The following GAN variants were observed in gnomAD, a reference collection of about 807,000 sequenced individuals.
The protein encoded by GAN is epididymis secretory sperm binding protein.
Under a neutral mutation model 71.3 loss-of-function variants are expected in GAN, and 48 were observed. The ratio of observed to expected loss-of-function variants is 0.67; its 90% CI spans 0.53 to 0.86. The LOEUF is 0.86. Among genes scored for constraint, GAN ranks in the 40% least tolerant of loss-of-function variants. The probability of loss-of-function intolerance (pLI) is 0.00; values close to 1 mark genes in which losing one functional copy is unlikely to be tolerated. For missense variants in GAN, 928 were observed against 770.1 expected, an observed-to-expected ratio of 1.21 and a Z score of -2.43; for synonymous variants, 386 against 276.8, an observed-to-expected ratio of 1.39 and a Z score of -3.92.
chr16:81,355,015 G>A (rs895971316), intron 3 of GAN, among the ~76,000 whole-genome samples: 2 of 152,180 alleles, frequency 1.3e-5, no homozygotes, highest in African/African-American at 4.8e-5. Flanking sequence ...TTTTTAATGG[G>A]AAAATGCATT....
rs550514419 is a variant in GAN at position 81,315,830 on chromosome 16, G to C, written c.167+550G>C. 4.6e-5 allele frequency among the ~76,000 whole-genome samples: 7 copies of C among 152,390 alleles called. No homozygotes were observed. The South Asian group carries it at 1.4e-3, about 32-fold the overall frequency. On this transcript the variant is annotated intron_variant, in intron 1 of 10. Coordinates refer to ENST00000648994, the MANE Select transcript of GAN (RefSeq NM_022041.4). ...AGGCCAGACAGACAGCGCCTCGCTG[G>C]GTGCAGGCAGAGAAAACCCTCTCGA...
In GAN at chr16:81,377,943, A is replaced by T; in HGVS notation, c.*347A>T. On this transcript the variant is annotated 3_prime_UTR_variant, in exon 11 of 11. Coordinates refer to ENST00000648994, the MANE Select transcript of GAN (RefSeq NM_022041.4). ...GGTGCATTTTCCCTGAAGGGAACTC[A>T]TGTCTGACTGCTGTATTCAAATACG... 3.0e-6 allele frequency: 1 copy of T among 337,716 alleles called. No individual in the cohort carries two copies. Among genetic ancestry groups the T allele is most frequent in the South Asian group, 3.1e-5 (1 of 32,364 alleles). The allele number at this position is 337,716 out of a possible 1,614,324, so 20.9% of individuals were successfully genotyped here.
At chr16:81,321,544 C>T (rs1470436743) in intron 1 of GAN, among the ~76,000 whole-genome samples, 1 of 152,208 alleles carries the variant, frequency 6.6e-6, no homozygotes, top group Non-Finnish European at 1.5e-5. Context: ...ATAGAGTAAG[C>T]ATCCAGTTTT....
intron 1 of GAN, among the ~76,000 whole-genome samples, chr16:81,332,907 T>A (rs934037633): frequency 6.6e-6 from 1 of 152,178 alleles, no homozygotes; most frequent in Non-Finnish European, 1.5e-5. Flanking sequence ...GTCCCAACAT[T>A]GGTATTGTTC....
chr16:81,329,034 G>A (rs1909483122), intron 1 of GAN, among the ~76,000 whole-genome samples: 1 of 152,080 alleles, frequency 6.6e-6, no homozygotes, highest in Non-Finnish European at 1.5e-5. Flanking sequence ...AACTCTGAAG[G>A]TCATGTTTAA....
intron 1 of GAN, among the ~76,000 whole-genome samples, chr16:81,342,260 A>T (rs894651308): frequency 6.6e-6 from 1 of 152,208 alleles, no homozygotes; most frequent in African/African-American, 2.4e-5. Flanking sequence ...CAGAACTTGA[A>T]CTCAGCTCTG....
intron 8 of GAN, 64 bp downstream of exon 8, chr16:81,365,174 C>T: frequency 6.3e-7 from 1 of 1,583,040 alleles, no homozygotes; most frequent in Non-Finnish European, 8.7e-7. Context: ...GAGCCCCTTA[C>T]CCTGCCTGGC....
At position 81,385,677 on chromosome 16, in the gene GAN, G is replaced by A. The variant is rs868205002; in HGVS notation, c.*8081G>A. The A allele has an allele frequency of 2.0e-5, 3 of 152,134 alleles. No homozygotes were observed. Among genetic ancestry groups the A allele is most frequent in the African/African-American group, 4.8e-5 (2 of 41,394 alleles). The allele number at this position is 152,134 out of a possible 1,614,324, so 9.4% of individuals were successfully genotyped here. ...GGATGAGGCCAAGGCTGCCTGCACT[G>A]AGTGTCCCAGGCCTTATAGCTTTCC... On this transcript the variant is annotated 3_prime_UTR_variant, in exon 11 of 11. Transcript: ENST00000648994.
At position 81,390,277 on chromosome 16, in the gene GAN, C is replaced by T. The variant is rs1904524553; in HGVS notation, c.*12681C>T. 1 of 152,200 alleles carries T rather than the reference C, an allele frequency of 6.6e-6. No individual in the cohort carries two copies. The highest frequency in any genetic ancestry group is 2.1e-4 in the South Asian group (1 of 4,832). The allele number at this position is 152,200 out of a possible 1,614,324, so 9.4% of individuals were successfully genotyped here. A position where few individuals can be genotyped will look rare whatever the true frequency, so the allele number is the denominator to read the frequency against. On this transcript the variant is annotated 3_prime_UTR_variant, in exon 11 of 11. Coordinates refer to ENST00000648994, the MANE Select transcript of GAN (RefSeq NM_022041.4). ...CTAAGTTGATTTCATTGAAATGTCACGTCTCACATCCTGTGGTCCAAAGGT... is the reference window on the plus strand; with the variant it reads ...CTAAGTTGATTTCATTGAAATGTCATGTCTCACATCCTGTGGTCCAAAGGT...
At chr16:81,325,354 G>A (rs1909350584) in intron 1 of GAN, among the ~76,000 whole-genome samples, 1 of 152,182 alleles carries the variant, frequency 6.6e-6, no homozygotes, top group African/African-American at 2.4e-5. Flanking sequence ...GTAGGAGTTG[G>A]GTGGGTGAAA....
Position 81,380,400 on chromosome 16 carries a change from C to T in GAN, c.*2804C>T, listed in dbSNP as rs748996523. 2.0e-5 allele frequency: 3 copies of T among 152,546 alleles called. No individual in the cohort carries two copies. The highest frequency in any genetic ancestry group is 6.5e-5 in the Admixed American group (1 of 15,274). The allele number at this position is 152,546 out of a possible 1,614,324, so 9.4% of individuals were successfully genotyped here. A position where few individuals can be genotyped will look rare whatever the true frequency, so the allele number is the denominator to read the frequency against. ...TTAGAATAAGTAAATATTTAAAGAA[C>T]CTCTCCTAGGCTGCAGTCTAAAATA... is the stretch of plus-strand genomic sequence containing the variant. On this transcript the variant is annotated 3_prime_UTR_variant, in exon 11 of 11. Coordinates refer to ENST00000648994, the MANE Select transcript of GAN (RefSeq NM_022041.4).
At chr16:81,368,063 T>A (rs1172144534) in intron 9 of GAN, among the ~76,000 whole-genome samples, 1 of 152,244 alleles carries the variant, frequency 6.6e-6, no homozygotes, top group Admixed American at 6.5e-5. Context: ...TCTCTTGTCT[T>A]TCCTGTCTTT....
intron 1 of GAN, among the ~76,000 whole-genome samples, chr16:81,319,858 A>G (rs967842621): frequency 2.0e-5 from 3 of 152,178 alleles, no homozygotes; most frequent in African/African-American, 7.2e-5. Flanking sequence ...ATGGACAGCA[A>G]ATCCCCTTTA....
intron 1 of GAN, among the ~76,000 whole-genome samples, chr16:81,317,909 A>G (rs1181231390): frequency 1.3e-5 from 2 of 152,024 alleles, no homozygotes; most frequent in Admixed American, 1.3e-4. Flanking sequence ...ATCAGTCAAT[A>G]TGTGTTTCAT....
intron 1 of GAN, among the ~76,000 whole-genome samples, chr16:81,339,329 A>G (rs189054129): frequency 6.6e-6 from 1 of 152,356 alleles, no homozygotes; most frequent in East Asian, 1.9e-4. Flanking sequence ...AGCGTTGTAC[A>G]GATACAGTTA....
intron 2 of GAN, 30 bp from the exon 3 acceptor site, chr16:81,354,375 A>C: frequency 1.4e-6 from 2 of 1,411,266 alleles, no homozygotes; most frequent in Non-Finnish European, 2.0e-6. Context: ...GTACACATTC[A>C]AATATAAGAT....
At chr16:81,373,998 C>A (rs913840854) in intron 9 of GAN, among the ~76,000 whole-genome samples, 4 of 152,180 alleles carry the variant, frequency 2.6e-5, no homozygotes, top group African/African-American at 9.6e-5. Flanking sequence ...GCCTGGGCCT[C>A]CTAAAGTGCT....
At chr16:81,329,425 C>T (rs1909499748) in intron 1 of GAN, among the ~76,000 whole-genome samples, 1 of 152,212 alleles carries the variant, frequency 6.6e-6, no homozygotes, top group Non-Finnish European at 1.5e-5. Context: ...ACTCTGCATC[C>T]TCTTCTTACA....
intron 1 of GAN, among the ~76,000 whole-genome samples, chr16:81,347,203 C>G (rs1910146062): frequency 6.6e-6 from 1 of 152,162 alleles, no homozygotes; most frequent in Admixed American, 6.5e-5. Flanking sequence ...ATAGATACAC[C>G]TAGACAACAG....
Sources: allele counts gnomAD v4.1 joint callset (sites outside exome capture counted in the v4.1 genomes callset), GRCh38; gene constraint gnomAD v4.1.1; transcripts MANE v1.5; gene names NCBI Gene and HGNC (gene_info 2026-07-23, HGNC 2026-07-21).